The following MYBBP1A variants were observed in gnomAD, a reference collection of about 807,000 sequenced individuals.
The protein encoded by MYBBP1A is MYB binding protein 1a.
Under a neutral mutation model 136.3 loss-of-function variants are expected in MYBBP1A, and 147 were observed. The observed-to-expected ratio is 1.08, with a 90% CI of 0.94 to 1.24. The LOEUF is 1.24. Ranked by LOEUF, MYBBP1A falls within the 50% of genes most tolerant of loss-of-function variation. The pLI is 0.00. For synonymous variants in MYBBP1A, 947 were observed against 735.8 expected, an observed-to-expected ratio of 1.29 and a Z score of -4.65; for missense variants, 2,060 against 1,727.4, an observed-to-expected ratio of 1.19 and a Z score of -3.41.
At position 4,555,221 on chromosome 17, in the gene MYBBP1A, A is replaced by G. The variant is rs181906424; in HGVS notation, c.104T>C (p.Phe35Ser). 313 of 1,612,054 alleles carry G rather than the reference A, an allele frequency of 1.9e-4. 2 individuals are homozygous for G. The East Asian group carries it at 4.4e-3, about 23-fold the overall frequency. Residue 35 changes from phenylalanine (F) to serine (S), a missense_variant, in exon 1 of 26, where the codon TTC becomes TCC. Coordinates refer to ENST00000254718, the MANE Select transcript of MYBBP1A (RefSeq NM_014520.4). ...RYGLLKHSREFLDFFWDIAKP... is the reference protein window; with the variant it reads ...RYGLLKHSRESLDFFWDIAKP... ...CGCAATGTCCCAGAAGAAGTCCAAG[A>G]ACTCGCGACTGTGCTTCAATAGGCC...
chr17:4,546,028 G>A, intron 13 of MYBBP1A, 86 bp from the exon 14 acceptor site: 1 of 1,275,172 alleles, frequency 7.8e-7, no homozygotes, highest in Non-Finnish European at 1.1e-6. Flanking sequence ...AATGGCAGCA[G>A]TGGCATCAAG....
Position 4,539,698 on chromosome 17 carries a change from G to A in MYBBP1A, c.3704C>T (p.Pro1235Leu). 1 of 1,607,542 alleles carries A rather than the reference G, an allele frequency of 6.2e-7. No individual in the cohort carries two copies. Among genetic ancestry groups the A allele is most frequent in the East Asian group, 2.2e-5 (1 of 44,746 alleles). ...GCTGGGGCTCCGGGTGGGGGCGCCA[G>A]GGGCTGGACTCTTGGTGGTTGGCGT... ...NGTPTTKSPA[P>L]GAPTRSPSTP... The change falls in exon 26 of 26, where the codon CCT (proline) becomes CTT (leucine). Residue 1235 changes from proline to leucine, a missense_variant. Coordinates refer to ENST00000254718, the MANE Select transcript of MYBBP1A (RefSeq NM_014520.4).
intron 24 of MYBBP1A, among the ~76,000 whole-genome samples, chr17:4,541,185 T>TA (rs760962558): frequency 3.9e-5 from 6 of 152,226 alleles, no homozygotes; most frequent in Non-Finnish European, 7.3e-5. Context: ...CAGCCCCTTC[T>TA]CGGCTTTCTC....
chr17:4,542,660 G>A lies in MYBBP1A; in HGVS notation c.2974C>T (p.Pro992Ser), dbSNP rs757841592. The change falls in exon 21 of 26, where the codon CCC (proline) becomes TCC (serine). Residue 992 changes from proline to serine, a missense_variant. Pro to Ser is a moderately conservative substitution (Grantham distance 74). Transcript: ENST00000254718. Reference sequence around the variant, plus strand: ...CTGAGGAACATGGGAACTGTGAGGGGGCTGTTGCGCTTGGTCAGGAAGGAG... The same window carrying A: ...CTGAGGAACATGGGAACTGTGAGGGAGCTGTTGCGCTTGGTCAGGAAGGAG... ...LSSFLTKRNS[P>S]LTVPMFLSLF... 4 of 1,614,028 alleles carry A rather than the reference G, an allele frequency of 2.5e-6. No homozygotes were observed. Among genetic ancestry groups the A allele is most frequent in the South Asian group, 1.1e-5 (1 of 91,086 alleles).
At chr17:4,543,573 G>A (rs991392780) in intron 19 of MYBBP1A, among the ~76,000 whole-genome samples, 2 of 152,172 alleles carry the variant, frequency 1.3e-5, no homozygotes, top group Non-Finnish European at 2.9e-5. Context: ...GAGGCAGGAT[G>A]CTCAACAAAC....
intron 20 of MYBBP1A, 42 bp from the exon 21 acceptor site, chr17:4,542,783 G>T: frequency 6.2e-7 from 1 of 1,607,242 alleles, no homozygotes; most frequent in Non-Finnish European, 8.5e-7. Context: ...CAGGAGAGGG[G>T]TCCCTGGGAT....
rs370966981 is a variant in MYBBP1A at position 4,552,556 on chromosome 17, G to T, written c.632C>A (p.Ser211Tyr). 3 of 1,614,054 alleles carry T rather than the reference G, an allele frequency of 1.9e-6. No individual in the cohort carries two copies. The highest frequency in any genetic ancestry group is 2.2e-5 in the East Asian group (1 of 44,886). Reference protein sequence around the residue: ...LKADLNIILSSPEQLELFLLA... With the variant: ...LKADLNIILSYPEQLELFLLA... ...GAGGAAGAGCTCTAGCTGTTCAGGG[G>T]AGCTGAGTATTATATTCAAGTCGGC... is the stretch of plus-strand genomic sequence containing the variant. Residue 211 changes from serine (S) to tyrosine (Y), a missense_variant, in exon 6 of 26, where the codon TCC (serine) becomes TAC (tyrosine). Physicochemically the swap from Ser to Tyr is moderately radical, Grantham distance 144. Coordinates refer to ENST00000254718, the MANE Select transcript of MYBBP1A (RefSeq NM_014520.4). This position sits in a 1 kb window ranked among gnomAD's most constrained non-coding sequence, Gnocchi z 4.7.
rs941465986 is a variant in MYBBP1A at position 4,549,436 on chromosome 17, C to T, written c.1326G>A (p.Glu442=). ...ATTTCCTCAGCCGGAACACAGCTCG[C>T]TCAGGCCTAGCGGGGCAGGAGGCGA... The part of the protein sequence containing the change: ...KAQDSSLHMP[E]RAVFRLRKWI... The change falls in exon 10 of 26, where the codon GAG becomes GAA. Residue 442 remains glutamate, a synonymous_variant. Transcript: ENST00000254718. 9.9e-6 allele frequency: 16 copies of T among 1,612,546 alleles called. No homozygotes were observed. The highest frequency in any genetic ancestry group is 1.3e-5 in the African/African-American group (1 of 74,924).
rs769718989 is a variant in MYBBP1A, at chr17:4,550,343, T to G, written c.1034A>C (p.Gln345Pro). ...EHVCTAKLPK[Q>P]FKFAPEMDDY... Reference sequence around the variant, plus strand: ...GTCCATCTCTGGGGCAAACTTGAACTGCTTTGGGAGCTGCAAGAGTTAGGC... The same window carrying G: ...GTCCATCTCTGGGGCAAACTTGAACGGCTTTGGGAGCTGCAAGAGTTAGGC... Residue 345 changes from glutamine (Q) to proline (P), a missense_variant, in exon 9 of 26, where the codon CAG becomes CCG. Coordinates refer to ENST00000254718, the MANE Select transcript of MYBBP1A (RefSeq NM_014520.4). 5.6e-6 allele frequency: 9 copies of G among 1,611,308 alleles called. 1 individual carries two copies. The Admixed American group carries it at 6.7e-5, about 12-fold the overall frequency.
rs1160945001 is a variant in MYBBP1A, at chr17:4,544,604, T to C, written c.2524A>G (p.Asn842Asp). Residue 842 changes from asparagine (N) to aspartate (D), a missense_variant, in exon 19 of 26, where the codon AAT (asparagine) becomes GAT (aspartate). Transcript: ENST00000254718. Reference sequence around the variant, plus strand: ...TCCAGCAGCTCCAGGACCAGGGCATTCTCGGGCTGCTTGGTCACTAGCACC... The same window carrying C: ...TCCAGCAGCTCCAGGACCAGGGCATCCTCGGGCTGCTTGGTCACTAGCACC... ...VEVLVTKQPE[N>D]ALVLELLEPL... 2 of 1,586,240 alleles carry C rather than the reference T, an allele frequency of 1.3e-6. No homozygotes were observed. The highest frequency in any genetic ancestry group is 1.7e-6 in the Non-Finnish European group (2 of 1,166,560).
chr17:4,549,399 G>C lies in MYBBP1A; in HGVS notation c.1363C>G (p.Arg455Gly). The change falls in exon 10 of 26, where the codon CGA becomes GGA. Residue 455 changes from arginine (R) to glycine (G), a missense_variant. Transcript: ENST00000254718. The stretch of plus-strand genomic sequence containing the variant: ...AGGCTGTCCACAATGCTCACCAATC[G>C]AAAGATGATCCATTTCCTCAGCCGG... ...VFRLRKWIIF[R>G]LVSIVDSLHL... is the part of the protein sequence containing the mutation. 6.2e-7 allele frequency: 1 copy of C among 1,613,238 alleles called. No individual in the cohort carries two copies. Among genetic ancestry groups the C allele is most frequent in the Non-Finnish European group, 8.5e-7 (1 of 1,179,980 alleles).
In MYBBP1A at chr17:4,550,040, C is replaced by A; in HGVS notation, c.1319+18G>T. On this transcript the variant is annotated intron_variant, in intron 9 of 25. Coordinates refer to ENST00000254718, the MANE Select transcript of MYBBP1A (RefSeq NM_014520.4). ...AGTTAACTCCTAAATTAGGTGTCCTCCCCCAAGGTCCACTCACATGTGGAG... is the reference window on the plus strand; with the variant it reads ...AGTTAACTCCTAAATTAGGTGTCCTACCCCAAGGTCCACTCACATGTGGAG... 6.3e-7 allele frequency: 1 copy of A among 1,593,098 alleles called. No homozygotes were observed.
chr17:4,554,539 G>A (rs1481425560), intron 2 of MYBBP1A, among the ~76,000 whole-genome samples: 1 of 152,114 alleles, frequency 6.6e-6, no homozygotes, highest in African/African-American at 2.4e-5. Context: ...CCTTGTCAAG[G>A]CGCCTCAGAG....
At chr17:4,546,066 G>T in intron 13 of MYBBP1A, 124 bp from the exon 14 acceptor site, 1 of 808,350 alleles carries the variant, frequency 1.2e-6, no homozygotes, top group Non-Finnish European at 2.0e-6. Context: ...CCACTGGCCC[G>T]CCCTGGCCAG....
At chr17:4,554,838 C>CCCTG (rs1188133526) in intron 2 of MYBBP1A, 23 bp downstream of exon 2, 1 of 1,610,766 alleles carries the variant, frequency 6.2e-7, no homozygotes. Flanking sequence ...ATGGCTGGGA[C>CCCTG]CCTGCCAGGA....
At position 4,542,950 on chromosome 17, in the gene MYBBP1A, G is replaced by A. The variant is rs781322454; in HGVS notation, c.2855C>T (p.Ala952Val). The change falls in exon 20 of 26, where the codon GCT becomes GTT. Residue 952 changes from alanine (A) to valine (V), a missense_variant. By Grantham distance (64) the Ala-to-Val change is moderately conservative. Coordinates refer to ENST00000254718, the MANE Select transcript of MYBBP1A (RefSeq NM_014520.4). ...GGGCATGTGGCTGGGGTCAGTGCCAGCTTTCTGCTTCTCCTGTGTCTCATG... is the reference window on the plus strand; with the variant it reads ...GGGCATGTGGCTGGGGTCAGTGCCAACTTTCTGCTTCTCCTGTGTCTCATG... ...CVHETQEKQKAGTDPSHMPTG... is the reference protein window; with the variant it reads ...CVHETQEKQKVGTDPSHMPTG... The A allele has an allele frequency of 8.7e-6, 14 of 1,614,058 alleles. No individual in the cohort carries two copies. The highest frequency in any genetic ancestry group is 1.2e-5 in the Non-Finnish European group (14 of 1,179,996).
intron 19 of MYBBP1A, 26 bp downstream of exon 19, chr17:4,544,463 T>TGCCC: frequency 6.5e-7 from 1 of 1,543,990 alleles, no homozygotes; most frequent in Non-Finnish European, 8.7e-7. Context: ...CGGCCACACC[T>TGCCC]GCCCGCCCTG....
chr17:4,547,312 T>C (rs899165259), intron 13 of MYBBP1A, among the ~76,000 whole-genome samples: 1 of 152,170 alleles, frequency 6.6e-6, no homozygotes, highest in Non-Finnish European at 1.5e-5. Flanking sequence ...ACATGTGTCC[T>C]GGAATCACCA....
intron 9 of MYBBP1A, among the ~76,000 whole-genome samples, chr17:4,549,662 A>G (rs1907329032): frequency 6.6e-6 from 1 of 151,966 alleles, no homozygotes; most frequent in Non-Finnish European, 1.5e-5. Flanking sequence ...CTGTAGTCCC[A>G]GCTACTGGAG....
Sources: gnomAD v4.1 joint callset for allele counts (sites outside exome capture counted in the v4.1 genomes callset) on GRCh38, gnomAD v4.1.1 for gene constraint, Gnocchi (gnomAD v3.1) non-coding constraint, MANE v1.5 for transcripts, NCBI Gene and HGNC (gene_info 2026-07-23, HGNC 2026-07-21) for gene names.